The following HTR2A variants were observed in gnomAD, a reference collection of about 807,000 sequenced individuals.
HTR2A encodes 5-HT2 receptor.
HTR2A carries 14 observed loss-of-function variants against 31.0 expected under a neutral mutation model. That is an observed-to-expected ratio of 0.45 (90% CI 0.30 to 0.71). HTR2A has a LOEUF of 0.71. Among genes scored for constraint, HTR2A ranks in the 30% least tolerant of loss-of-function variants. The pLI, the probability that HTR2A is intolerant of heterozygous loss-of-function variation, is 0.09. For missense variants in HTR2A, 442 were observed against 573.3 expected (o/e 0.77, Z 2.34); for synonymous variants, 209 against 225.2 (o/e 0.93, Z 0.64).
chr13:46,837,338 G>A (rs893920248), intron 3 of HTR2A, among the ~76,000 whole-genome samples: 2 of 152,122 alleles, frequency 1.3e-5, no homozygotes, highest in African/African-American at 4.8e-5. Flanking sequence ...TATTCTCTCT[G>A]CCATAAAGGT....
Position 46,895,219 on chromosome 13 carries a change from T to G in HTR2A, c.412+276A>C. ...AAAATTTCTACATTAAATGTACATGTTTTGAAGCACAAAACTCTCCAATGA... is the reference window on the plus strand; with the variant it reads ...AAAATTTCTACATTAAATGTACATGGTTTGAAGCACAAAACTCTCCAATGA... On this transcript the variant is annotated intron_variant, in intron 2 of 3. Coordinates refer to ENST00000542664, the MANE Select transcript of HTR2A (RefSeq NM_000621.5). This position sits in a 1 kb window ranked among gnomAD's most constrained non-coding sequence, Gnocchi z 4.4. The G allele has an allele frequency of 2.9e-6, 1 of 340,194 alleles. No individual in the cohort carries two copies. Among genetic ancestry groups the G allele is most frequent in the Non-Finnish European group, 5.4e-6 (1 of 186,444 alleles). The allele number at this position is 340,194 out of a possible 1,614,324, so 21.1% of individuals were successfully genotyped here.
At chr13:46,885,002 A>AC (rs1336318142) in intron 3 of HTR2A, among the ~76,000 whole-genome samples, 1 of 152,008 alleles carries the variant, frequency 6.6e-6, no homozygotes, top group African/African-American at 2.4e-5. Context: ...ACATTCCAAG[A>AC]CCTCCAGTAG....
intron 3 of HTR2A, among the ~76,000 whole-genome samples, chr13:46,887,538 C>T (rs538329305): frequency 1.3e-5 from 2 of 151,438 alleles, no homozygotes; most frequent in Non-Finnish European, 2.9e-5. Flanking sequence ...AAAGAGAAAT[C>T]CCTAGGTAAT....
rs1372142531 is a variant in HTR2A, at chr13:46,896,925, C to A, written c.-580G>T. 2 of 1,024,316 alleles carry A rather than the reference C, an allele frequency of 2.0e-6. No individual in the cohort carries two copies. Among genetic ancestry groups the A allele is most frequent in the Non-Finnish European group, 2.8e-6 (2 of 701,864 alleles). 63.5% of individuals were successfully genotyped at this position (1,024,316 alleles called of 1,614,324 possible). ...GTTCCTCCCTCCCTGTGCGGCTCGCCTCAGCAGGCACACATTTAGAAATCA... is the reference window on the plus strand; with the variant it reads ...GTTCCTCCCTCCCTGTGCGGCTCGCATCAGCAGGCACACATTTAGAAATCA... On this transcript the variant is annotated 5_prime_UTR_variant, in exon 1 of 4. In the 5' UTR this introduces an upstream ATG that the reference lacks. Coordinates refer to ENST00000542664, the MANE Select transcript of HTR2A (RefSeq NM_000621.5).
chr13:46,853,651 C>CT (rs1299528820), intron 3 of HTR2A, among the ~76,000 whole-genome samples: 3 of 152,168 alleles, frequency 2.0e-5, no homozygotes, highest in African/African-American at 7.2e-5. Flanking sequence ...AGATACTGGG[C>CT]TGACATTGCT....
chr13:46,847,723 T>C (rs1950653719), intron 3 of HTR2A, among the ~76,000 whole-genome samples: 1 of 152,186 alleles, frequency 6.6e-6, no homozygotes, highest in East Asian at 1.9e-4. Context: ...ACACTATTTG[T>C]ACCACGAGGC....
chr13:46,842,277 GA>G (rs1247693687), intron 3 of HTR2A, among the ~76,000 whole-genome samples: 11 of 151,798 alleles, frequency 7.2e-5, no homozygotes, highest in South Asian at 2.1e-4. Flanking sequence ...GATTTATTTA[GA>G]AAAAAAACTC....
chr13:46,845,489 T>C (rs1043717335), intron 3 of HTR2A, among the ~76,000 whole-genome samples: 1 of 152,122 alleles, frequency 6.6e-6, no homozygotes, highest in South Asian at 2.1e-4. Context: ...CTATCTATGA[T>C]AGCAATCAGT....
At chr13:46,874,065 T>G (rs1950887041) in intron 3 of HTR2A, among the ~76,000 whole-genome samples, 1 of 152,230 alleles carries the variant, frequency 6.6e-6, no homozygotes, top group African/African-American at 2.4e-5. Context: ...TTGCTGGAAT[T>G]AATAAAACTC....
chr13:46,892,249 T>C (rs117230475), intron 3 of HTR2A, 141 bp downstream of exon 3: 12,286 of 790,892 alleles, frequency 0.016, 130 homozygotes, highest in Non-Finnish European at 0.021. Context: ...AATCTGATAA[T>C]TATGATGTTG....
intron 2 of HTR2A, 139 bp from the exon 3 acceptor site, chr13:46,892,729 A>G (rs1361760103): frequency 7.4e-6 from 5 of 674,992 alleles, no homozygotes; most frequent in Admixed American, 5.5e-5. Context: ...TAGTATTTGA[A>G]AAAAGCCCAC....
At chr13:46,883,273 A>AAGGTCCTAACCTTCAGGTTAGGG (rs1950981776) in intron 3 of HTR2A, among the ~76,000 whole-genome samples, 1 of 152,154 alleles carries the variant, frequency 6.6e-6, no homozygotes, top group African/African-American at 2.4e-5. Context: ...GAAGGTTAGG[A>AAGGTCCTAACCTTCAGGTTAGGG]TTCTATGTAA....
At chr13:46,874,366 A>G (rs1346887889) in intron 3 of HTR2A, among the ~76,000 whole-genome samples, 1 of 152,238 alleles carries the variant, frequency 6.6e-6, no homozygotes, top group Admixed American at 6.5e-5. Context: ...TATCAGGGAA[A>G]AACCACAAGG....
chr13:46,860,144 C>T (rs191501688), intron 3 of HTR2A, among the ~76,000 whole-genome samples: 19 of 152,292 alleles, frequency 1.2e-4, no homozygotes, highest in African/African-American at 4.6e-4. Flanking sequence ...TAATACCTGG[C>T]CCAGTGTGCC....
intron 3 of HTR2A, among the ~76,000 whole-genome samples, chr13:46,861,982 GATAGAA>G (rs1449032132): frequency 1.3e-5 from 2 of 152,292 alleles, no homozygotes; most frequent in South Asian, 2.1e-4. Flanking sequence ...TTGTCTATAA[GATAGAA>G]ATAGATTCTG....
At chr13:46,880,306 C>G (rs1246386206) in intron 3 of HTR2A, among the ~76,000 whole-genome samples, 1 of 152,076 alleles carries the variant, frequency 6.6e-6, no homozygotes. Context: ...TATCTCTTAG[C>G]CCAGAAAAGA....
chr13:46,871,805 G>A (rs1260619650), intron 3 of HTR2A, among the ~76,000 whole-genome samples: 1 of 152,144 alleles, frequency 6.6e-6, no homozygotes, highest in African/African-American at 2.4e-5. Context: ...CAGAACAAAA[G>A]CATCTTTGTT....
At chr13:46,887,974 C>G (rs1240303803) in intron 3 of HTR2A, among the ~76,000 whole-genome samples, 1 of 151,934 alleles carries the variant, frequency 6.6e-6, no homozygotes, top group Non-Finnish European at 1.5e-5. Flanking sequence ...GGGCTTAATA[C>G]CTGGGTAATG....
intron 3 of HTR2A, among the ~76,000 whole-genome samples, chr13:46,855,190 T>A (rs1950724357): frequency 6.6e-6 from 1 of 152,174 alleles, no homozygotes; most frequent in African/African-American, 2.4e-5. Flanking sequence ...AATCTGTCAG[T>A]TTAAGCCAAT....
Sources: allele counts gnomAD v4.1 joint callset (sites outside exome capture counted in the v4.1 genomes callset), GRCh38; gene constraint gnomAD v4.1.1; non-coding constraint Gnocchi (gnomAD v3.1); transcripts MANE v1.5; gene names NCBI Gene and HGNC (gene_info 2026-07-23, HGNC 2026-07-21).